The following ASIC2 variants were observed in gnomAD, a reference collection of about 807,000 sequenced individuals.
ASIC2 encodes acid-sensing ion channel 2.
Under a neutral mutation model 57.3 loss-of-function variants are expected in ASIC2, and 25 were observed. The observed-to-expected ratio is 0.44, with a 90% CI of 0.32 to 0.61. The LOEUF is 0.61. Among genes scored for constraint, ASIC2 ranks in the 20% least tolerant of loss-of-function variants. The pLI is 0.06. For synonymous variants in ASIC2, 319 were observed against 307.5 expected, an observed-to-expected ratio of 1.04 and a Z score of -0.39; for missense variants, 641 against 738.1, an observed-to-expected ratio of 0.87 and a Z score of 1.52.
rs868380754 is a variant in ASIC2 at position 33,292,011 on chromosome 17, G to C, written c.105C>G (p.Ala35=). ...CGCCTCTGCCGCCCCCGGGCTGCCCGGCAGCCGCCAACGCCGCGGGCGCCG... is the reference window on the plus strand; with the variant it reads ...CGCCTCTGCCGCCCCCGGGCTGCCCCGCAGCCGCCAACGCCGCGGGCGCCG... ...EEPAPAALAA[A]GQPGGGRGGE... is the part of the protein sequence containing the mutation. The change falls in exon 1 of 10, where the codon GCC becomes GCG. Residue 35 remains alanine, a synonymous_variant. Transcript: ENST00000225823. 11 of 1,219,674 alleles carry C rather than the reference G, an allele frequency of 9.0e-6. No homozygotes were observed. Among genetic ancestry groups the C allele is most frequent in the South Asian group, 7.7e-5 (2 of 25,982 alleles). The allele number at this position is 1,219,674 out of a possible 1,614,324, so 75.6% of individuals were successfully genotyped here.
intron 1 of ASIC2, among the ~76,000 whole-genome samples, chr17:33,202,665 A>G (rs150638879): frequency 2.6e-5 from 4 of 152,354 alleles, no homozygotes; most frequent in Admixed American, 2.6e-4. Context: ...TAAAAACTAG[A>G]TAAGAGTTGC....
chr17:33,545,788 G>T (rs1381980781), intron 1 of ASIC2, among the ~76,000 whole-genome samples: 1 of 151,952 alleles, frequency 6.6e-6, no homozygotes. Flanking sequence ...CTCTTTCTTG[G>T]ATACTTATTA....
chr17:33,320,860 TG>T (rs1464022819), intron 1 of ASIC2, among the ~76,000 whole-genome samples: 3 of 152,230 alleles, frequency 2.0e-5, no homozygotes, highest in African/African-American at 7.2e-5. Context: ...CTGATTTTTT[TG>T]TGGGTGTCAT....
At chr17:33,037,666 G>T (rs1311748544) in intron 3 of ASIC2, among the ~76,000 whole-genome samples, 1 of 152,140 alleles carries the variant, frequency 6.6e-6, no homozygotes, top group Non-Finnish European at 1.5e-5. Context: ...AATTAGATTT[G>T]TTTTCTGGCA....
chr17:33,889,209 C>G (rs556399330), intron 1 of ASIC2, among the ~76,000 whole-genome samples: 36 of 152,204 alleles, frequency 2.4e-4, no homozygotes, highest in Non-Finnish European at 3.4e-4. Flanking sequence ...CTGGAAGGCT[C>G]CTTGGAGAGC....
At chr17:33,356,079 C>G (rs1283878677) in intron 1 of ASIC2, among the ~76,000 whole-genome samples, 2 of 152,040 alleles carry the variant, frequency 1.3e-5, no homozygotes, top group Non-Finnish European at 2.9e-5. Flanking sequence ...GTATTTAAGT[C>G]AGAGAAACAG....
chr17:34,123,328 C>T (rs904443525), intron 1 of ASIC2, among the ~76,000 whole-genome samples: 5 of 152,188 alleles, frequency 3.3e-5, no homozygotes, highest in Non-Finnish European at 7.3e-5. Context: ...CAGGAACCCG[C>T]CCAACCCAGT....
intron 1 of ASIC2, among the ~76,000 whole-genome samples, chr17:33,929,594 A>C (rs1008912211): frequency 7.2e-5 from 11 of 152,204 alleles, no homozygotes; most frequent in Non-Finnish European, 1.3e-4. Flanking sequence ...ATCCCGCTGC[A>C]GGGTCAGCCC....
intron 1 of ASIC2, among the ~76,000 whole-genome samples, chr17:33,801,599 C>T (rs1912134988): frequency 1.3e-5 from 2 of 152,110 alleles, no homozygotes; most frequent in Admixed American, 1.3e-4. Context: ...ATATAGTATA[C>T]ATCAAAATGC....
At chr17:33,809,740 A>C (rs1380554683) in intron 1 of ASIC2, among the ~76,000 whole-genome samples, 2 of 152,234 alleles carry the variant, frequency 1.3e-5, no homozygotes, top group Non-Finnish European at 2.9e-5. Context: ...GCCACAACAC[A>C]GCCAGGAATG....
intron 1 of ASIC2, among the ~76,000 whole-genome samples, chr17:34,143,791 G>A (rs1456264213): frequency 6.6e-6 from 1 of 152,122 alleles, no homozygotes; most frequent in African/African-American, 2.4e-5. Flanking sequence ...CATGTCTCTG[G>A]GATCTGGGCA....
chr17:33,779,273 G>T (rs983349997), intron 1 of ASIC2, among the ~76,000 whole-genome samples: 1 of 152,008 alleles, frequency 6.6e-6, no homozygotes, highest in Non-Finnish European at 1.5e-5. Flanking sequence ...TCTGCCTGGG[G>T]TGCAGTTCTT....
At chr17:33,789,429 A>G (rs1911699763) in intron 1 of ASIC2, among the ~76,000 whole-genome samples, 1 of 150,842 alleles carries the variant, frequency 6.6e-6, no homozygotes. Flanking sequence ...ACAAGGAAAC[A>G]GGCTTTATTT....
intron 1 of ASIC2, among the ~76,000 whole-genome samples, chr17:33,699,873 G>A (rs979984558): frequency 6.6e-6 from 1 of 152,198 alleles, no homozygotes; most frequent in Non-Finnish European, 1.5e-5. Flanking sequence ...CTTACAGCAT[G>A]AGAGGAGTAC....
chr17:33,066,041 G>T (rs1342062373), intron 3 of ASIC2, among the ~76,000 whole-genome samples: 4 of 152,064 alleles, frequency 2.6e-5, no homozygotes, highest in Non-Finnish European at 4.4e-5. Flanking sequence ...TTGACCATGT[G>T]CTTCCCACCA....
At chr17:33,329,201 C>A (rs576779723) in intron 1 of ASIC2, among the ~76,000 whole-genome samples, 1 of 152,142 alleles carries the variant, frequency 6.6e-6, no homozygotes, top group Admixed American at 6.5e-5. Flanking sequence ...TGGTAAAATC[C>A]TTTACCTTCT....
chr17:33,118,561 T>C (rs956458100), intron 1 of ASIC2, among the ~76,000 whole-genome samples: 1 of 152,154 alleles, frequency 6.6e-6, no homozygotes, highest in Non-Finnish European at 1.5e-5. Flanking sequence ...GCTGGTGCTT[T>C]GCTGACATTA....
chr17:34,001,622 C>T (rs1906342655), intron 1 of ASIC2: 1 of 152,412 alleles, frequency 6.6e-6, no homozygotes, highest in Admixed American at 6.5e-5. Flanking sequence ...GGCCTGGAGC[C>T]TGGGTTAGGC....
At chr17:33,281,992 G>T (rs1179502625) in intron 1 of ASIC2, among the ~76,000 whole-genome samples, 4 of 152,192 alleles carry the variant, frequency 2.6e-5, no homozygotes, top group Non-Finnish European at 4.4e-5. Context: ...TGTAAGTGTG[G>T]TTAAAATACT....
Sources: allele counts gnomAD v4.1 joint callset (sites outside exome capture counted in the v4.1 genomes callset), GRCh38; gene constraint gnomAD v4.1.1; transcripts MANE v1.5; gene names NCBI Gene and HGNC (gene_info 2026-07-23, HGNC 2026-07-21).